Variants in NDUFAF2 observed in about 807,000 individuals in gnomAD.
NDUFAF2 encodes the protein NADH dehydrogenase [ubiquinone] 1 alpha subcomplex assembly factor 2.
A neutral mutation model predicts 22.8 loss-of-function variants in NDUFAF2; 13 were observed. The ratio of observed to expected loss-of-function variants is 0.57; its 90% confidence interval spans 0.37 to 0.91. The LOEUF (loss-of-function observed/expected upper bound fraction) is 0.91. Among genes scored for constraint, NDUFAF2 ranks in the 40% least tolerant of loss-of-function variants. The probability of loss-of-function intolerance (pLI) is 0.01; values close to 1 mark genes in which losing one functional copy is unlikely to be tolerated. For missense variants in NDUFAF2, 162 were observed against 195.2 expected, an observed-to-expected ratio of 0.83 and a Z score of 1.01; for synonymous variants, 53 against 64.2, an observed-to-expected ratio of 0.83 and a Z score of 0.84.
chr5:60,964,441 A>C (rs552919665), intron 1 of NDUFAF2, among the ~76,000 whole-genome samples: 3 of 151,450 alleles, frequency 2.0e-5, no homozygotes, highest in Non-Finnish European at 4.4e-5. Context: ...GCACTTACAA[A>C]GTGTACAACA....
intron 2 of NDUFAF2, among the ~76,000 whole-genome samples, chr5:61,087,164 G>C (rs975925133): frequency 1.3e-5 from 2 of 152,056 alleles, no homozygotes; most frequent in Admixed American, 6.6e-5. Flanking sequence ...AGAGGCACCA[G>C]AGAGCTGTAC....
intron 1 of NDUFAF2, among the ~76,000 whole-genome samples, chr5:61,021,923 G>T (rs1473999272): frequency 6.6e-6 from 1 of 152,150 alleles, no homozygotes; most frequent in East Asian, 1.9e-4. Context: ...ATAGGCTGGT[G>T]GGCAAGAGAC....
chr5:61,047,980 G>A (rs922936892), intron 1 of NDUFAF2, among the ~76,000 whole-genome samples: 1 of 152,062 alleles, frequency 6.6e-6, no homozygotes, highest in East Asian at 1.9e-4. Flanking sequence ...TACTTCCAAA[G>A]CAATTTAATA....
chr5:61,110,150 T>C (rs188604551), intron 3 of NDUFAF2, among the ~76,000 whole-genome samples: 11 of 152,332 alleles, frequency 7.2e-5, no homozygotes, highest in Non-Finnish European at 1.5e-4. Flanking sequence ...TAAATCCTAC[T>C]TAGTCATGAT....
intron 1 of NDUFAF2, among the ~76,000 whole-genome samples, chr5:60,957,900 T>C (rs537160740): frequency 4.6e-5 from 7 of 152,248 alleles, no homozygotes; most frequent in African/African-American, 1.7e-4. Flanking sequence ...AAAACCTGTA[T>C]TTTGTGTATA....
Position 61,107,365 on chromosome 5 carries a change from G to A in NDUFAF2, c.258+8333G>A, listed in dbSNP as rs149031197. 1.9e-3 allele frequency among the ~76,000 whole-genome samples: 293 copies of A among 151,300 alleles called. 18 individuals are homozygous for A. The highest frequency in any genetic ancestry group is 7.0e-3 in the African/African-American group (285 of 40,740). On this transcript the variant is annotated intron_variant, in intron 3 of 3. Coordinates refer to ENST00000296597, the MANE Select transcript of NDUFAF2 (RefSeq NM_174889.5). ...TGTTGGAGCACTTTTTCATATACCT[G>A]TTTGCCATTTGCATGTCTTCTTTTG...
intron 1 of NDUFAF2, among the ~76,000 whole-genome samples, chr5:61,049,678 T>C (rs75871312): frequency 0.024 from 3,664 of 152,182 alleles, 61 homozygotes; most frequent in Non-Finnish European, 0.037. Flanking sequence ...AGTAGAAACA[T>C]AGTATTTGTC....
chr5:61,040,102 G>C (rs1751851979), intron 1 of NDUFAF2, among the ~76,000 whole-genome samples: 1 of 151,816 alleles, frequency 6.6e-6, no homozygotes, highest in African/African-American at 2.4e-5. Flanking sequence ...GTTGAATAGT[G>C]TCCCCCCAAA....
intron 1 of NDUFAF2, among the ~76,000 whole-genome samples, chr5:60,966,025 A>G (rs1208250512): frequency 6.6e-6 from 1 of 152,002 alleles, no homozygotes; most frequent in African/African-American, 2.4e-5. Flanking sequence ...ATTGTCGACA[A>G]CACTTGTTAC....
chr5:61,095,182 G>T (rs140496533), intron 2 of NDUFAF2, among the ~76,000 whole-genome samples: 1 of 152,312 alleles, frequency 6.6e-6, no homozygotes, highest in Admixed American at 6.5e-5. Flanking sequence ...GGAGGCCCCA[G>T]TGGGGAGCTC....
chr5:61,085,088 C>T (rs1752490456), intron 2 of NDUFAF2, among the ~76,000 whole-genome samples: 1 of 152,076 alleles, frequency 6.6e-6, no homozygotes, highest in Admixed American at 6.6e-5. Flanking sequence ...ATCAACCTGA[C>T]AGAAACAATA....
intron 1 of NDUFAF2, among the ~76,000 whole-genome samples, chr5:61,020,547 A>ATGTGTGTGTGTGTGTGTGTGTGTG (rs68178917): frequency 6.8e-6 from 1 of 147,940 alleles, no homozygotes; most frequent in African/African-American, 2.5e-5. Context: ...GGGTTTTGTT[A>ATGTGTGTGTGTGTGTGTGTGTGTG]TGTGTGTGTG....
At chr5:60,979,277 A>T (rs1389882186) in intron 1 of NDUFAF2, among the ~76,000 whole-genome samples, 3 of 152,102 alleles carry the variant, frequency 2.0e-5, no homozygotes, top group Non-Finnish European at 4.4e-5. Flanking sequence ...ACTTGAAAGG[A>T]GAGAGGAGAC....
chr5:61,027,575 C>T (rs980188743), intron 1 of NDUFAF2, among the ~76,000 whole-genome samples: 7 of 151,900 alleles, frequency 4.6e-5, no homozygotes, highest in South Asian at 2.1e-4. Context: ...TTTGGAAAAA[C>T]GATTTTCTCA....
At chr5:60,993,444 C>T (rs989848401) in intron 1 of NDUFAF2, among the ~76,000 whole-genome samples, 1 of 152,152 alleles carries the variant, frequency 6.6e-6, no homozygotes, top group Non-Finnish European at 1.5e-5. Context: ...TTTGGCAGGT[C>T]CCAAGTTCTC....
At chr5:60,970,359 T>A (rs1750810921) in intron 1 of NDUFAF2, among the ~76,000 whole-genome samples, 1 of 152,234 alleles carries the variant, frequency 6.6e-6, no homozygotes. Context: ...TCTATGAACA[T>A]GGAATATCAT....
At chr5:61,031,530 GTATTCCATGGTATACTGCA>G (rs1751727651) in intron 1 of NDUFAF2, among the ~76,000 whole-genome samples, 1 of 151,858 alleles carries the variant, frequency 6.6e-6, no homozygotes, top group Non-Finnish European at 1.5e-5. Flanking sequence ...ATACTGCATA[GTATTCCATGGTATACTGCA>G]TAGTATTCCA....
At chr5:60,998,158 T>A (rs1480253630) in intron 1 of NDUFAF2, among the ~76,000 whole-genome samples, 1 of 152,174 alleles carries the variant, frequency 6.6e-6, no homozygotes, top group South Asian at 2.1e-4. Context: ...TAAACTTAAA[T>A]GAATGAATAA....
At chr5:60,957,740 C>T (rs904991804) in intron 1 of NDUFAF2, among the ~76,000 whole-genome samples, 23 of 152,152 alleles carry the variant, frequency 1.5e-4, no homozygotes, top group African/African-American at 5.5e-4. Context: ...CCTTCACTTT[C>T]AGCCCCTGCT....
Sources: gnomAD v4.1 joint callset for allele counts (sites outside exome capture counted in the v4.1 genomes callset) on GRCh38, gnomAD v4.1.1 for gene constraint, MANE v1.5 for transcripts, NCBI Gene and HGNC (gene_info 2026-07-23, HGNC 2026-07-21) for gene names.